Variants in CHSY1 observed in about 807,000 individuals in gnomAD.
CHSY1 encodes N-acetylgalactosaminyl-proteoglycan 3-beta-glucuronosyltransferase 1.
A neutral mutation model predicts 59.8 loss-of-function variants in CHSY1; 13 were observed. The ratio of observed to expected loss-of-function variants is 0.22; its 90% CI spans 0.14 to 0.35. The LOEUF is 0.35. Ranked by LOEUF, CHSY1 falls within the 10% of genes least tolerant of loss-of-function variation. The probability of loss-of-function intolerance (pLI) is 1.00; values close to 1 mark genes in which losing one functional copy is unlikely to be tolerated. For missense variants in CHSY1, 947 were observed against 1,030.6 expected, an observed-to-expected ratio of 0.92 and a Z score of 1.11; for synonymous variants, 459 against 401.2, an observed-to-expected ratio of 1.14 and a Z score of -1.72.
intron 2 of CHSY1, among the ~76,000 whole-genome samples, chr15:101,226,797 A>C (rs916485280): frequency 9.2e-5 from 14 of 152,234 alleles, no homozygotes; most frequent in Non-Finnish European, 1.8e-4. Flanking sequence ...GAATATTGTA[A>C]CTAATTGGTT....
At chr15:101,187,761 T>A (rs138090145) in intron 2 of CHSY1, 1 of 152,416 alleles carries the variant, frequency 6.6e-6, no homozygotes, top group Non-Finnish European at 1.5e-5. Flanking sequence ...GATGACTTCA[T>A]TTAATTTCCA....
At chr15:101,200,685 C>G (rs2038564402) in intron 2 of CHSY1, among the ~76,000 whole-genome samples, 2 of 152,210 alleles carry the variant, frequency 1.3e-5, no homozygotes. Context: ...AAGCAAGCCT[C>G]TCAGCTATGA....
intron 2 of CHSY1, among the ~76,000 whole-genome samples, chr15:101,193,463 C>A (rs1418317057): frequency 6.7e-6 from 1 of 149,214 alleles, no homozygotes; most frequent in African/African-American, 2.4e-5. Context: ...TTCCCCTGGG[C>A]AAGGGGCCAC....
intron 1 of CHSY1, among the ~76,000 whole-genome samples, chr15:101,238,478 G>C (rs2038969594): frequency 6.6e-6 from 1 of 152,118 alleles, no homozygotes; most frequent in South Asian, 2.1e-4. Context: ...AAAAGTGCAA[G>C]GATTAAATAT....
intron 2 of CHSY1, among the ~76,000 whole-genome samples, chr15:101,181,442 A>C (rs2038277510): frequency 6.6e-6 from 1 of 152,242 alleles, no homozygotes; most frequent in Admixed American, 6.5e-5. Context: ...CTCCATTTCC[A>C]AGAGTGTAAA....
intron 2 of CHSY1, among the ~76,000 whole-genome samples, chr15:101,185,963 A>G (rs890344358): frequency 4.6e-5 from 7 of 151,746 alleles, no homozygotes; most frequent in Non-Finnish European, 1.0e-4. Flanking sequence ...CCAGAATGCC[A>G]TTAAGTAGGA....
At chr15:101,250,593 C>A (rs965336392) in intron 1 of CHSY1, among the ~76,000 whole-genome samples, 1 of 152,242 alleles carries the variant, frequency 6.6e-6, no homozygotes, top group Admixed American at 6.5e-5. Flanking sequence ...CTGTACTCAA[C>A]AGACTGGTGT....
chr15:101,233,446 T>C (rs2038910820), intron 2 of CHSY1, among the ~76,000 whole-genome samples: 1 of 152,244 alleles, frequency 6.6e-6, no homozygotes, highest in African/African-American at 2.4e-5. Flanking sequence ...ATATACAATG[T>C]GTTACCTATT....
At chr15:101,229,067 A>C (rs1841671751) in intron 2 of CHSY1, among the ~76,000 whole-genome samples, 1 of 152,218 alleles carries the variant, frequency 6.6e-6, no homozygotes, top group Non-Finnish European at 1.5e-5. Context: ...GTTCATCCCC[A>C]AGGCGACTAC....
chr15:101,187,277 G>A (rs761750121), intron 2 of CHSY1, among the ~76,000 whole-genome samples: 7 of 152,160 alleles, frequency 4.6e-5, no homozygotes, highest in Non-Finnish European at 1.0e-4. Flanking sequence ...TCAGGAGTTC[G>A]AGACAAGCCT....
At chr15:101,198,459 A>G (rs1265960038) in intron 2 of CHSY1, among the ~76,000 whole-genome samples, 2 of 152,302 alleles carry the variant, frequency 1.3e-5, no homozygotes, top group East Asian at 3.9e-4. Flanking sequence ...TACATTAAAC[A>G]CGGGAACCCA....
At chr15:101,227,202 CAA>C (rs974538528) in intron 2 of CHSY1, among the ~76,000 whole-genome samples, 5 of 152,166 alleles carry the variant, frequency 3.3e-5, no homozygotes, top group African/African-American at 1.2e-4. Flanking sequence ...ACAATCACAG[CAA>C]AAACCAGCAG....
At chr15:101,194,866 C>T (rs1238173126) in intron 2 of CHSY1, among the ~76,000 whole-genome samples, 1 of 152,228 alleles carries the variant, frequency 6.6e-6, no homozygotes, top group Non-Finnish European at 1.5e-5. Flanking sequence ...CAAAATTCTA[C>T]TTTCAAGAGT....
chr15:101,177,350 T>C lies in CHSY1; in HGVS notation c.*38A>G. The C allele has an allele frequency of 6.3e-7, 1 of 1,584,490 alleles. No homozygotes were observed. ...TACAAAAAATTTTTGAAAAATAAATTAGATAATTAAAAACGTCTTTTCCAG... is the reference window on the plus strand; with the variant it reads ...TACAAAAAATTTTTGAAAAATAAATCAGATAATTAAAAACGTCTTTTCCAG... On this transcript the variant is annotated 3_prime_UTR_variant, in exon 3 of 3. Transcript: ENST00000254190.
At chr15:101,185,697 A>C (rs1454826628) in intron 2 of CHSY1, among the ~76,000 whole-genome samples, 1 of 122,992 alleles carries the variant, frequency 8.1e-6, no homozygotes, top group East Asian at 2.6e-4. Flanking sequence ...TCCTCGAAAT[A>C]TCTTTTTTTT....
At chr15:101,208,712 C>CAAA (rs35276997) in intron 2 of CHSY1, among the ~76,000 whole-genome samples, 1,693 of 114,830 alleles carry the variant, frequency 0.015, 57 homozygotes, top group African/African-American at 0.044. Flanking sequence ...GGCTCCATCT[C>CAAA]AAAAAAAAAA....
intron 1 of CHSY1, among the ~76,000 whole-genome samples, chr15:101,241,786 C>T (rs1235291200): frequency 1.3e-5 from 2 of 152,274 alleles, no homozygotes; most frequent in Non-Finnish European, 2.9e-5. Flanking sequence ...ATGGGTTTTT[C>T]TCTCTGTAGA....
At chr15:101,211,223 C>G (rs2038678938) in intron 2 of CHSY1, among the ~76,000 whole-genome samples, 1 of 152,156 alleles carries the variant, frequency 6.6e-6, no homozygotes. Flanking sequence ...ACCTGGGAGG[C>G]TGAGGCAGAA....
At chr15:101,200,483 GTT>G (rs1170596621) in intron 2 of CHSY1, among the ~76,000 whole-genome samples, 4 of 152,116 alleles carry the variant, frequency 2.6e-5, no homozygotes, top group Non-Finnish European at 5.9e-5. Flanking sequence ...CTTTTCTGGG[GTT>G]ACAATTCAGG....
Sources: gnomAD v4.1 joint callset for allele counts (sites outside exome capture counted in the v4.1 genomes callset) on GRCh38, gnomAD v4.1.1 for gene constraint, MANE v1.5 for transcripts, NCBI Gene and HGNC (gene_info 2026-07-23, HGNC 2026-07-21) for gene names.